EXOC2: variants seen among roughly 807,000 people sequenced by gnomAD.
EXOC2 encodes SEC5-like 1.
A neutral mutation model predicts 131.8 loss-of-function variants in EXOC2; 70 were observed. The observed-to-expected ratio is 0.53, with a 90% CI of 0.44 to 0.65. The LOEUF is 0.65. EXOC2 is among the 30% of genes least tolerant of loss of function. EXOC2 has a pLI of 0.00. For synonymous variants in EXOC2, 411 were observed against 398.4 expected (o/e 1.03, Z -0.38); for missense variants, 923 against 1,108.6 (o/e 0.83, Z 2.38).
chr6:487,147 A>G (rs1763118065), intron 27 of EXOC2, among the ~76,000 whole-genome samples: 1 of 152,190 alleles, frequency 6.6e-6, no homozygotes, highest in Admixed American at 6.5e-5. Context: ...ACCGGAGTGT[A>G]ACAGGCTACA....
intron 23 of EXOC2, among the ~76,000 whole-genome samples, chr6:507,320 A>C (rs1324329080): frequency 6.6e-5 from 4 of 60,384 alleles, no homozygotes; most frequent in Admixed American, 1.6e-4. Context: ...CACACACACA[A>C]AGAAGTGACC....
At chr6:544,458 A>G (rs1282810856) in intron 22 of EXOC2, among the ~76,000 whole-genome samples, 1 of 152,232 alleles carries the variant, frequency 6.6e-6, no homozygotes, top group Non-Finnish European at 1.5e-5. Flanking sequence ...TGATCAACTT[A>G]TAATTTCTGT....
chr6:505,059 C>G (rs1764450173), intron 23 of EXOC2, among the ~76,000 whole-genome samples: 1 of 152,116 alleles, frequency 6.6e-6, no homozygotes, highest in Non-Finnish European at 1.5e-5. Flanking sequence ...TGCTGCAGAT[C>G]CTGGCTGTAC....
intron 23 of EXOC2, among the ~76,000 whole-genome samples, chr6:531,477 A>T (rs1213151668): frequency 8.2e-6 from 1 of 122,100 alleles, no homozygotes; most frequent in Non-Finnish European, 1.7e-5. Context: ...GAGCTCAGGA[A>T]ATTCAATAAC....
intron 1 of EXOC2, among the ~76,000 whole-genome samples, chr6:644,730 A>C (rs1302489588): frequency 6.6e-6 from 1 of 152,154 alleles, no homozygotes; most frequent in Non-Finnish European, 1.5e-5. Flanking sequence ...AAAATTTTTT[A>C]AATTTTGAAA....
intron 1 of EXOC2, among the ~76,000 whole-genome samples, chr6:658,640 A>ATT (rs1763251055): frequency 8.2e-6 from 1 of 122,118 alleles, no homozygotes; most frequent in African/African-American, 3.1e-5. Context: ...ATATATATAT[A>ATT]TATTTTATAT....
rs555760020 is a variant in EXOC2 at position 491,691 on chromosome 6, C to CT, written c.2560-506dup. Reference sequence around the variant, plus strand: ...GCAATCTCTATTAAAATCACAGCTGCTTTTTTTTTCCTTAATGGAAACTGG... The same window carrying CT: ...GCAATCTCTATTAAAATCACAGCTGCTTTTTTTTTTCCTTAATGGAAACTGG... On this transcript the variant is annotated intron_variant, in intron 25 of 27. Transcript: ENST00000230449. Among the ~76,000 whole-genome samples the CT allele has an allele frequency of 8.3e-3, 1,257 of 151,752 alleles. 19 individuals carry two copies. Among genetic ancestry groups the CT allele is most frequent in the African/African-American group, 0.028 (1,172 of 41,384 alleles).
intron 12 of EXOC2, among the ~76,000 whole-genome samples, chr6:573,378 A>G (rs1349444341): frequency 6.6e-6 from 1 of 152,052 alleles, no homozygotes; most frequent in African/African-American, 2.4e-5. Flanking sequence ...TCCCAGGGCC[A>G]TGCCTTCGCC....
chr6:566,692 C>T (rs1484234495), intron 13 of EXOC2, among the ~76,000 whole-genome samples: 1 of 151,966 alleles, frequency 6.6e-6, no homozygotes, highest in Non-Finnish European at 1.5e-5. Flanking sequence ...GGCTTGGGTA[C>T]TTTTTTTCTT....
intron 10 of EXOC2, among the ~76,000 whole-genome samples, chr6:593,973 G>A (rs980849510): frequency 1.3e-5 from 2 of 152,210 alleles, no homozygotes; most frequent in East Asian, 1.9e-4. Flanking sequence ...GTGGGGAGCC[G>A]GATATCCAGG....
At chr6:568,338 G>A (rs1758088326) in intron 13 of EXOC2, among the ~76,000 whole-genome samples, 1 of 152,356 alleles carries the variant, frequency 6.6e-6, no homozygotes, top group Admixed American at 6.5e-5. Context: ...CTGCCTTCAA[G>A]CTGGGACACT....
intron 1 of EXOC2, among the ~76,000 whole-genome samples, chr6:652,602 C>T (rs1762883068): frequency 6.6e-6 from 1 of 152,130 alleles, no homozygotes; most frequent in African/African-American, 2.4e-5. Flanking sequence ...TGAGACTGTT[C>T]ATCACTATAC....
intron 11 of EXOC2, among the ~76,000 whole-genome samples, chr6:588,351 C>T (rs1759331407): frequency 6.6e-6 from 1 of 152,108 alleles, no homozygotes; most frequent in Admixed American, 6.6e-5. Flanking sequence ...GAATTGTTTC[C>T]ACTTTTTTAT....
chr6:535,476 C>G (rs1766382914), intron 22 of EXOC2, among the ~76,000 whole-genome samples: 1 of 151,974 alleles, frequency 6.6e-6, no homozygotes, highest in African/African-American at 2.4e-5. Context: ...TTGCCAAGAA[C>G]AGAAATGAAA....
intron 2 of EXOC2, among the ~76,000 whole-genome samples, chr6:636,628 C>T (rs1219758503): frequency 6.6e-6 from 1 of 152,178 alleles, no homozygotes. Flanking sequence ...AGTTCCAATT[C>T]GTGATTTCAG....
At chr6:492,818 T>C (rs2127470394) in intron 25 of EXOC2, among the ~76,000 whole-genome samples, 2 of 152,326 alleles carry the variant, frequency 1.3e-5, no homozygotes, top group East Asian at 3.9e-4. Flanking sequence ...CTAAAATTGA[T>C]GATGGTGATG....
chr6:681,479 T>C (rs1457757357), intron 1 of EXOC2, among the ~76,000 whole-genome samples: 1 of 152,220 alleles, frequency 6.6e-6, no homozygotes, highest in African/African-American at 2.4e-5. Flanking sequence ...ACCAAAGAAG[T>C]ATTTTAAATG....
intron 1 of EXOC2, among the ~76,000 whole-genome samples, chr6:664,792 G>A (rs1224002820): frequency 6.6e-6 from 1 of 152,084 alleles, no homozygotes; most frequent in East Asian, 1.9e-4. Flanking sequence ...ATCAACTCAA[G>A]GTGGATTAAG....
In EXOC2 at chr6:522,384, G is replaced by A. The variant is rs115389410; in HGVS notation, c.2380+10085C>T. Among the ~76,000 whole-genome samples, 710 of 151,518 alleles carry A rather than the reference G, an allele frequency of 4.7e-3. 5 individuals carry two copies. The highest frequency in any genetic ancestry group is 7.6e-3 in the Non-Finnish European group (513 of 67,878). ...AGGCCCATGCGGACTGCAGGACAGC[G>A]TGTGGGGAGCACTGTGAGCTGGGCT... On this transcript the variant is annotated intron_variant, in intron 23 of 27. Coordinates refer to ENST00000230449, the MANE Select transcript of EXOC2 (RefSeq NM_018303.6).
Sources: allele counts gnomAD v4.1 joint callset (sites outside exome capture counted in the v4.1 genomes callset), GRCh38; gene constraint gnomAD v4.1.1; transcripts MANE v1.5; gene names NCBI Gene and HGNC (gene_info 2026-07-23, HGNC 2026-07-21).